The following EFR3B variants were observed in gnomAD, a reference collection of about 807,000 sequenced individuals.
The protein encoded by EFR3B is EFR3 homolog B.
In EFR3B, 64 loss-of-function variants were observed where a neutral mutation model predicts 104.7. That is an observed-to-expected ratio of 0.61 (90% CI 0.50 to 0.75). The LOEUF (loss-of-function observed/expected upper bound fraction) is 0.75, where lower values mean the gene tolerates loss of function less well. Among genes scored for constraint, EFR3B ranks in the 30% least tolerant of loss-of-function variants. The probability of loss-of-function intolerance (pLI) is 0.00; values close to 1 mark genes in which losing one functional copy is unlikely to be tolerated. For missense variants in EFR3B, 750 were observed against 1,078.5 expected (o/e 0.70, Z 4.27); for synonymous variants, 385 against 417.9 (o/e 0.92, Z 0.96).
At chr2:25,082,830 T>C (rs974710069) in intron 1 of EFR3B, among the ~76,000 whole-genome samples, 7 of 152,036 alleles carry the variant, frequency 4.6e-5, no homozygotes, top group Non-Finnish European at 8.8e-5. Context: ...TAAAAAGCAC[T>C]ATGAAAAGGA....
At position 25,068,949 on chromosome 2, in the gene EFR3B, T is replaced by C. The variant is rs1296927181; in HGVS notation, c.8-22376T>C. 2.1e-3 allele frequency among the ~76,000 whole-genome samples: 302 copies of C among 142,114 alleles called. 1 individual carries two copies. The highest frequency in any genetic ancestry group is 7.3e-3 in the African/African-American group (276 of 37,872). 93.2% of individuals were successfully genotyped at this position (142,114 alleles called of 152,430 possible). On this transcript the variant is annotated intron_variant, in intron 1 of 22. Transcript: ENST00000403714. The stretch of plus-strand genomic sequence containing the variant: ...CGGCATCTTTTTTTTTTTTTTTTTT[T>C]CTGAGACAGAGTCTCACTCTGTCAC...
chr2:25,112,679 T>C (rs890849040), intron 4 of EFR3B, among the ~76,000 whole-genome samples: 11 of 152,204 alleles, frequency 7.2e-5, no homozygotes, highest in African/African-American at 2.4e-4. Context: ...GGACTTGTCT[T>C]AAATTTGGGC....
chr2:25,052,586 C>G (rs1667905164), intron 1 of EFR3B, among the ~76,000 whole-genome samples: 1 of 144,328 alleles, frequency 6.9e-6, no homozygotes, highest in Non-Finnish European at 1.5e-5. Context: ...ACCGCAACCT[C>G]TGCCTCCTGG....
chr2:25,093,570 T>A (rs1180651659), intron 3 of EFR3B, among the ~76,000 whole-genome samples: 1 of 152,010 alleles, frequency 6.6e-6, no homozygotes, highest in Non-Finnish European at 1.5e-5. Flanking sequence ...AAGGAGTATA[T>A]CCCATGTGAT....
chr2:25,081,147 A>T (rs1280004043), intron 1 of EFR3B: 4 of 707,866 alleles, frequency 5.7e-6, no homozygotes, highest in Non-Finnish European at 1.0e-5. Context: ...TTGATTGCAT[A>T]TTCCACCCTT....
chr2:25,137,293 C>T lies in EFR3B; in HGVS notation c.1561-48C>T, dbSNP rs1010567184. On this transcript the variant is annotated intron_variant, in intron 14 of 22. Transcript: ENST00000403714. This position sits in a 1 kb window ranked among gnomAD's most constrained non-coding sequence, Gnocchi z 4.7. Reference sequence around the variant, plus strand: ...TTCCTCCGTGTTCTCCTTGCCCCTCCTGTCCCCATCCCTCCGACCCTGGCC... The same window carrying T: ...TTCCTCCGTGTTCTCCTTGCCCCTCTTGTCCCCATCCCTCCGACCCTGGCC... 12 of 1,546,760 alleles carry T rather than the reference C, an allele frequency of 7.8e-6. No homozygotes were observed. The African/African-American group carries it at 1.5e-4, about 19-fold the overall frequency.
intron 1 of EFR3B, among the ~76,000 whole-genome samples, chr2:25,058,826 C>T (rs1370241942): frequency 6.9e-6 from 1 of 145,172 alleles, no homozygotes; most frequent in East Asian, 2.0e-4. Context: ...GAAACTGGAA[C>T]CATCATTGTG....
intron 1 of EFR3B, among the ~76,000 whole-genome samples, chr2:25,065,969 C>G (rs1441471423): frequency 6.6e-6 from 1 of 152,212 alleles, no homozygotes; most frequent in African/African-American, 2.4e-5. Context: ...TTCCACCCAC[C>G]TCATCTCTGG....
chr2:25,061,185 G>T (rs1444272674), intron 1 of EFR3B, among the ~76,000 whole-genome samples: 1 of 150,936 alleles, frequency 6.6e-6, no homozygotes, highest in African/African-American at 2.4e-5. Context: ...ATGCAGTGGT[G>T]CAATCTTGGC....
intron 3 of EFR3B, among the ~76,000 whole-genome samples, chr2:25,095,590 G>C (rs562725487): frequency 2.8e-4 from 43 of 152,220 alleles, no homozygotes; most frequent in African/African-American, 9.6e-4. Context: ...CAGCTACTCA[G>C]GAGGCTAAGA....
At chr2:25,092,489 G>GTA (rs1669156109) in intron 2 of EFR3B, among the ~76,000 whole-genome samples, 2 of 151,234 alleles carry the variant, frequency 1.3e-5, no homozygotes, top group Non-Finnish European at 2.9e-5. Context: ...ATACATTCAT[G>GTA]TATATATATC....
At chr2:25,064,835 A>T (rs570858818) in intron 1 of EFR3B, among the ~76,000 whole-genome samples, 5 of 152,360 alleles carry the variant, frequency 3.3e-5, no homozygotes, top group Middle Eastern at 3.4e-3. Flanking sequence ...TAACCAATAC[A>T]TTACTTACAC....
At chr2:25,074,105 G>C (rs1174487499) in intron 1 of EFR3B, among the ~76,000 whole-genome samples, 1 of 152,196 alleles carries the variant, frequency 6.6e-6, no homozygotes, top group East Asian at 1.9e-4. Context: ...ATATGAGTCA[G>C]CAAATCTTAT....
chr2:25,074,394 C>T (rs894656107), intron 1 of EFR3B, among the ~76,000 whole-genome samples: 1 of 151,946 alleles, frequency 6.6e-6, no homozygotes, highest in African/African-American at 2.4e-5. Context: ...GGCAAAATCC[C>T]GTCTCTACTA....
intron 2 of EFR3B, 50 bp from the exon 3 acceptor site, chr2:25,092,953 C>T (rs1485908785): frequency 9.1e-6 from 14 of 1,532,830 alleles, no homozygotes; most frequent in Non-Finnish European, 1.2e-5. Context: ...GACTTGAACT[C>T]GTCTAGCCAT....
Position 25,136,390 on chromosome 2 carries a change from T to G in EFR3B, c.1485-133T>G. On this transcript the variant is annotated intron_variant, in intron 13 of 22. Transcript: ENST00000403714. This position sits in a 1 kb window ranked among gnomAD's most constrained non-coding sequence, Gnocchi z 4.0. Reference sequence around the variant, plus strand: ...ACTTGGGAGGAAAAGGTAATCGGGCTGAGAACCAGGGCCAGGGGAGCACTG... The same window carrying G: ...ACTTGGGAGGAAAAGGTAATCGGGCGGAGAACCAGGGCCAGGGGAGCACTG... 2 of 645,150 alleles carry G rather than the reference T, an allele frequency of 3.1e-6. No homozygotes were observed. The highest frequency in any genetic ancestry group is 2.6e-6 in the Non-Finnish European group (1 of 379,076). The allele number at this position is 645,150 out of a possible 1,614,324, so 40.0% of individuals were successfully genotyped here.
rs141407186 is a variant in EFR3B, at chr2:25,154,936, G to A, written c.*596G>A. On this transcript the variant is annotated 3_prime_UTR_variant, in exon 23 of 23. Coordinates refer to ENST00000403714, the MANE Select transcript of EFR3B (RefSeq NM_014971.2). The surrounding 1 kb of genome is among the most constrained non-coding windows in gnomAD (Gnocchi z 4.1). ...TGGGGTGGAGACATCACGAGGGGTCGGGGGACAGCAAAGGGCAGGAAGCAG... is the reference window on the plus strand; with the variant it reads ...TGGGGTGGAGACATCACGAGGGGTCAGGGGACAGCAAAGGGCAGGAAGCAG... The A allele has an allele frequency of 8.7e-3, 1,334 of 154,100 alleles. 29 individuals carry two copies. The highest frequency in any genetic ancestry group is 0.031 in the African/African-American group (1,281 of 41,570). The allele number at this position is 154,100 out of a possible 1,614,324, so 9.5% of individuals were successfully genotyped here. A position where few individuals can be genotyped will look rare whatever the true frequency, so the allele number is the denominator to read the frequency against.
At chr2:25,072,793 C>T (rs1668533265) in intron 1 of EFR3B, among the ~76,000 whole-genome samples, 1 of 152,162 alleles carries the variant, frequency 6.6e-6, no homozygotes, top group Admixed American at 6.5e-5. Flanking sequence ...TTCTTGCAGC[C>T]TTGGGGCCCA....
intron 4 of EFR3B, among the ~76,000 whole-genome samples, chr2:25,119,393 G>T (rs1268296388): frequency 6.6e-6 from 1 of 152,234 alleles, no homozygotes; most frequent in African/African-American, 2.4e-5. Context: ...GGAACATGCT[G>T]CCGGTGGCTA....
Sources: gnomAD v4.1 joint callset for allele counts (sites outside exome capture counted in the v4.1 genomes callset) on GRCh38, gnomAD v4.1.1 for gene constraint, Gnocchi (gnomAD v3.1) non-coding constraint, MANE v1.5 for transcripts, NCBI Gene and HGNC (gene_info 2026-07-23, HGNC 2026-07-21) for gene names.